KAZN: variants seen among roughly 807,000 people sequenced by gnomAD.
The protein encoded by KAZN is kazrin, periplakin interacting protein.
KAZN carries 40 observed loss-of-function variants against 87.4 expected under a neutral mutation model. The observed-to-expected ratio is 0.46, with a 90% CI of 0.36 to 0.60. The LOEUF is 0.60. KAZN is among the 20% of genes least tolerant of loss of function. The pLI is 0.00. For synonymous variants in KAZN, 466 were observed against 458.3 expected (o/e 1.02, Z -0.22); for missense variants, 898 against 1,073.9 (o/e 0.84, Z 2.29).
chr1:14,472,169 T>A (rs895262511), intron 2 of KAZN, among the ~76,000 whole-genome samples: 3 of 152,176 alleles, frequency 2.0e-5, no homozygotes, highest in African/African-American at 7.2e-5. Context: ...TCTGCCCTCA[T>A]CACTTAATCA....
intron 1 of KAZN, among the ~76,000 whole-genome samples, chr1:14,699,488 G>T (rs1641801202): frequency 6.6e-6 from 1 of 152,226 alleles, no homozygotes; most frequent in East Asian, 1.9e-4. Context: ...ACTGGTGGCT[G>T]CTCTCTCAGA....
At position 14,599,093 on chromosome 1, in the gene KAZN, C is replaced by T. The variant is rs753977343; in HGVS notation, c.96C>T (p.Ala32=). 2 of 1,559,746 alleles carry T rather than the reference C, an allele frequency of 1.3e-6. No homozygotes were observed. Among genetic ancestry groups the T allele is most frequent in the East Asian group, 2.7e-5 (1 of 37,682 alleles). ...CCAACCTGCGAGCCGAACTCACGGC[C>T]ACCAACCGGAGACTGGCGGAACTGA... ...EVTNLRAELT[A]TNRRLAELSG... Residue 32 remains alanine (A), a synonymous_variant, in exon 1 of 15, where the codon GCC becomes GCT. Coordinates refer to ENST00000376030, the MANE Select transcript of KAZN (RefSeq NM_201628.3). This position sits in a 1 kb window ranked among gnomAD's most constrained non-coding sequence, Gnocchi z 4.4.
intron 1 of KAZN, among the ~76,000 whole-genome samples, chr1:14,629,345 T>C (rs1044444702): frequency 6.6e-6 from 1 of 152,232 alleles, no homozygotes; most frequent in Non-Finnish European, 1.5e-5. Flanking sequence ...CGTTGCTGTA[T>C]TCCAGCAGCA....
At chr1:13,953,193 C>G (rs1381587908) in intron 1 of KAZN, among the ~76,000 whole-genome samples, 1 of 152,172 alleles carries the variant, frequency 6.6e-6, no homozygotes, top group African/African-American at 2.4e-5. Context: ...TCACCCCTTA[C>G]ATGTTGGAGG....
intron 1 of KAZN, among the ~76,000 whole-genome samples, chr1:14,707,373 T>A (rs185043650): frequency 2.8e-4 from 42 of 152,316 alleles, no homozygotes; most frequent in African/African-American, 9.1e-4. Context: ...GGCCTTTCTG[T>A]CACAATAACC....
intron 1 of KAZN, among the ~76,000 whole-genome samples, chr1:13,949,712 T>C (rs1475646856): frequency 1.3e-5 from 2 of 152,180 alleles, no homozygotes; most frequent in East Asian, 3.8e-4. Context: ...GGAGAAGTAA[T>C]CTGGGTCAGC....
At chr1:14,558,615 A>G (rs1290717535) in intron 2 of KAZN, among the ~76,000 whole-genome samples, 1 of 152,214 alleles carries the variant, frequency 6.6e-6, no homozygotes, top group Non-Finnish European at 1.5e-5. Flanking sequence ...GGAGTCTCAG[A>G]GAATATATCT....
intron 1 of KAZN, among the ~76,000 whole-genome samples, chr1:14,079,405 C>T (rs956867385): frequency 5.5e-4 from 83 of 152,172 alleles, no homozygotes; most frequent in Non-Finnish European, 2.2e-4. Flanking sequence ...ACAGAACTCA[C>T]GTCAGAATCA....
Position 14,163,303 on chromosome 1 carries a change from C to T in KAZN, c.92-17132C>T, listed in dbSNP as rs571795400. On this transcript the variant is annotated intron_variant, in intron 1 of 16. Coordinates refer to the KAZN transcript ENST00000636203. ...GCGGGTGACTTGAGAGACCCAAGTG[C>T]CCCATCTGACCTTTGACTTGAGGTT... is the stretch of plus-strand genomic sequence containing the variant. 2.1e-4 allele frequency among the ~76,000 whole-genome samples: 32 copies of T among 152,222 alleles called. 1 individual carries two copies. In the South Asian group the frequency reaches 4.6e-3, roughly 22 times the overall value.
chr1:14,734,279 A>G (rs1643816929), intron 1 of KAZN, among the ~76,000 whole-genome samples: 1 of 150,894 alleles, frequency 6.6e-6, no homozygotes, highest in Non-Finnish European at 1.5e-5. Flanking sequence ...GGGTGGGGCC[A>G]GAGAGTCTGT....
chr1:15,012,828 A>G (rs1669711390), intron 2 of KAZN, among the ~76,000 whole-genome samples: 1 of 152,298 alleles, frequency 6.6e-6, no homozygotes, highest in African/African-American at 2.4e-5. Context: ...AGGCAGAGGT[A>G]TGAGAATCAC....
At chr1:14,308,888 T>C (rs1655104704) in intron 2 of KAZN, among the ~76,000 whole-genome samples, 1 of 152,194 alleles carries the variant, frequency 6.6e-6, no homozygotes, top group Non-Finnish European at 1.5e-5. Flanking sequence ...AGGGTGCAGC[T>C]CTAAAGACGA....
chr1:15,020,475 T>C (rs1316072415), intron 2 of KAZN, among the ~76,000 whole-genome samples: 2 of 152,178 alleles, frequency 1.3e-5, no homozygotes, highest in South Asian at 2.1e-4. Context: ...CTTCTAGCCA[T>C]GGAGATTAAT....
At chr1:15,017,549 A>G (rs1670246704) in intron 2 of KAZN, among the ~76,000 whole-genome samples, 1 of 152,126 alleles carries the variant, frequency 6.6e-6, no homozygotes, top group African/African-American at 2.4e-5. Context: ...CACGCCTGTA[A>G]TCCCAGCGCT....
chr1:14,436,437 C>T (rs1666387790), intron 2 of KAZN, among the ~76,000 whole-genome samples: 1 of 151,940 alleles, frequency 6.6e-6, no homozygotes, highest in Non-Finnish European at 1.5e-5. Context: ...CACTGATATG[C>T]ATTTTCTTGT....
intron 2 of KAZN, among the ~76,000 whole-genome samples, chr1:14,313,122 C>T (rs1170516240): frequency 1.3e-5 from 2 of 152,104 alleles, no homozygotes; most frequent in African/African-American, 2.4e-5. Flanking sequence ...ACTAATCAAG[C>T]ACACCACTGT....
Position 14,735,725 on chromosome 1 carries a change from G to A in KAZN, c.226+136502G>A, listed in dbSNP as rs79060551. The stretch of plus-strand genomic sequence containing the variant: ...TTCCAGATTTCCAAAGCGGCATGCC[G>A]GGTAATAGCCACTCTTGCACGGCAA... On this transcript the variant is annotated intron_variant, in intron 1 of 14. Transcript: ENST00000376030. The surrounding 1 kb of genome is among the most constrained non-coding windows in gnomAD (Gnocchi z 4.3). Among the ~76,000 whole-genome samples the A allele has an allele frequency of 0.033, 4,988 of 152,266 alleles. 119 individuals are homozygous for A. The highest frequency in any genetic ancestry group is 0.1 in the South Asian group (487 of 4,816).
At chr1:14,201,064 AGTG>A (rs904081945) in intron 2 of KAZN, among the ~76,000 whole-genome samples, 1 of 152,046 alleles carries the variant, frequency 6.6e-6, no homozygotes, top group African/African-American at 2.4e-5. Context: ...TATCTTAGGG[AGTG>A]GTGTGCCTAT....
intron 1 of KAZN, among the ~76,000 whole-genome samples, chr1:14,936,870 T>C (rs932954645): frequency 6.6e-6 from 1 of 152,216 alleles, no homozygotes; most frequent in Non-Finnish European, 1.5e-5. Flanking sequence ...CTCGGTTTTG[T>C]GTGAGGCTCC....
Sources: allele counts gnomAD v4.1 joint callset (sites outside exome capture counted in the v4.1 genomes callset), GRCh38; gene constraint gnomAD v4.1.1; non-coding constraint Gnocchi (gnomAD v3.1); transcripts MANE v1.5; gene names NCBI Gene and HGNC (gene_info 2026-07-23, HGNC 2026-07-21).